IL1RAPL2: variants seen among roughly 807,000 people sequenced by gnomAD.
IL1RAPL2 encodes interleukin 1 receptor accessory protein like 2.
In IL1RAPL2, 3 loss-of-function variants were observed where a neutral mutation model predicts 44.1. That is an observed-to-expected ratio of 0.07 (90% CI 0.03 to 0.18). The LOEUF is 0.18. Ranked by LOEUF, IL1RAPL2 falls within the 10% of genes least tolerant of loss-of-function variation. IL1RAPL2 has a pLI of 1.00. For synonymous variants in IL1RAPL2, 181 were observed against 178.8 expected (o/e 1.01, Z -0.10); for missense variants, 391 against 496.4 (o/e 0.79, Z 2.02).
chrX:105,146,608 C>A (rs2033181714), intron 2 of IL1RAPL2, among the ~76,000 whole-genome samples: 2 of 111,684 alleles, frequency 1.8e-5, no homozygotes, highest in Non-Finnish European at 3.8e-5. Context: ...AAAGTGTACA[C>A]TTCAGTGATC....
At chrX:104,687,112 T>A (rs185831467) in intron 2 of IL1RAPL2, among the ~76,000 whole-genome samples, 9 of 112,506 alleles carry the variant, frequency 8.0e-5, no homozygotes, top group African/African-American at 1.9e-4. Flanking sequence ...ACTTGGAGTG[T>A]GCAGCTTTTC....
At chrX:105,667,956 A>G (rs1289419921) in intron 6 of IL1RAPL2, among the ~76,000 whole-genome samples, 1 of 108,801 alleles carries the variant, frequency 9.2e-6, no homozygotes, top group Non-Finnish European at 1.9e-5. Flanking sequence ...AATAACATAT[A>G]TGGTGATTTA....
At chrX:104,882,635 G>A (rs926780662) in intron 2 of IL1RAPL2, among the ~76,000 whole-genome samples, 1 of 111,807 alleles carries the variant, frequency 8.9e-6, no homozygotes, top group African/African-American at 3.3e-5. Flanking sequence ...GGACCAATCA[G>A]CACTCTGTAA....
chrX:105,078,393 A>G (rs1376074228), intron 2 of IL1RAPL2, among the ~76,000 whole-genome samples: 1 of 110,808 alleles, frequency 9.0e-6, no homozygotes, highest in Non-Finnish European at 1.9e-5. Flanking sequence ...TTCTTCTGGA[A>G]GTTTTGTCTC....
intron 2 of IL1RAPL2, among the ~76,000 whole-genome samples, chrX:104,899,965 AATG>A (rs1227622110): frequency 1.8e-5 from 2 of 112,311 alleles, no homozygotes; most frequent in East Asian, 5.6e-4. Context: ...GCCCACCTGA[AATG>A]ATGATCACAG....
chrX:104,806,398 C>T (rs1474044269), intron 2 of IL1RAPL2, among the ~76,000 whole-genome samples: 2 of 112,451 alleles, frequency 1.8e-5, no homozygotes, highest in African/African-American at 3.2e-5. Context: ...AAAGGGATGG[C>T]TTCTGCACTG....
intron 2 of IL1RAPL2, among the ~76,000 whole-genome samples, chrX:104,845,926 A>T (rs929788407): frequency 5.4e-5 from 6 of 111,649 alleles, no homozygotes; most frequent in African/African-American, 2.0e-4. Flanking sequence ...TTGATGACTA[A>T]GAGTCAGTGT....
intron 6 of IL1RAPL2, among the ~76,000 whole-genome samples, chrX:105,517,856 G>A (rs1359884990): frequency 9.0e-6 from 1 of 111,421 alleles, no homozygotes; most frequent in Non-Finnish European, 1.9e-5. Context: ...AAGAATCAAA[G>A]TCAGAGGTTA....
intron 2 of IL1RAPL2, among the ~76,000 whole-genome samples, chrX:105,067,461 T>C (rs1215677431): frequency 1.8e-5 from 2 of 111,548 alleles, no homozygotes; most frequent in Non-Finnish European, 1.9e-5. Flanking sequence ...AGGTGCTTTA[T>C]TGTGCAACAA....
chrX:105,638,832 G>T (rs1364755853), intron 6 of IL1RAPL2, among the ~76,000 whole-genome samples: 1 of 111,974 alleles, frequency 8.9e-6, no homozygotes, highest in Non-Finnish European at 1.9e-5. Flanking sequence ...TTCATATGCT[G>T]GGATTCACTT....
Position 105,144,094 on chromosome X carries a change from GGTGTGTGT to G in IL1RAPL2, c.83-51340_83-51333del, listed in dbSNP as rs762069943. Among the ~76,000 whole-genome samples, 616 of 79,547 alleles carry G rather than the reference GGTGTGTGT, an allele frequency of 7.7e-3. 6 individuals are homozygous for G. Among genetic ancestry groups the G allele is most frequent in the African/African-American group, 0.025 (519 of 20,480 alleles). 69.1% of individuals were successfully genotyped at this position (79,547 alleles called of 115,157 possible). ...AGTCAGAGTCTCCTTTCAACAGATG[GGTGTGTGT>G]GTGTGTGTGTGTGTGTGTGTGTGTG... On this transcript the variant is annotated intron_variant, in intron 2 of 10. Coordinates refer to ENST00000372582, the MANE Select transcript of IL1RAPL2 (RefSeq NM_017416.2).
chrX:105,217,817 G>A (rs377361519), intron 3 of IL1RAPL2, among the ~76,000 whole-genome samples: 8 of 111,791 alleles, frequency 7.2e-5, no homozygotes, highest in African/African-American at 2.6e-4. Context: ...GATGAAGCTG[G>A]AAGCCATCAT....
At position 105,121,881 on chromosome X, in the gene IL1RAPL2, C is replaced by T. The variant is rs1269743534; in HGVS notation, c.83-73594C>T. ...ATACTAATTGATTTCATTTATTTTA[C>T]TTCCCTTGTGTATGCCTCACTGTCA... On this transcript the variant is annotated intron_variant, in intron 2 of 10. Coordinates refer to ENST00000372582, the MANE Select transcript of IL1RAPL2 (RefSeq NM_017416.2). Among the ~76,000 whole-genome samples, 69 of 111,385 alleles carry T rather than the reference C, an allele frequency of 6.2e-4. 1 individual carries two copies. Among genetic ancestry groups the T allele is most frequent in the Non-Finnish European group, 1.9e-4 (10 of 52,912 alleles).
At chrX:104,606,919 C>A (rs945710534) in intron 1 of IL1RAPL2, among the ~76,000 whole-genome samples, 1 of 111,775 alleles carries the variant, frequency 8.9e-6, no homozygotes, top group Non-Finnish European at 1.9e-5. Context: ...AAAAAAGAGC[C>A]CGCATAGCCA....
chrX:105,383,867 A>C (rs2035456035), intron 5 of IL1RAPL2, among the ~76,000 whole-genome samples: 1 of 111,811 alleles, frequency 8.9e-6, no homozygotes, highest in African/African-American at 3.2e-5. Flanking sequence ...GGTGATGTGG[A>C]AAATTTTTTT....
intron 2 of IL1RAPL2, among the ~76,000 whole-genome samples, chrX:104,920,393 C>A (rs958824377): frequency 2.7e-5 from 3 of 109,821 alleles, no homozygotes; most frequent in Admixed American, 1.9e-4. Context: ...AATTATGATC[C>A]CCAGTGTTAG....
chrX:104,576,888 A>G (rs956489707), intron 1 of IL1RAPL2, among the ~76,000 whole-genome samples: 12 of 111,850 alleles, frequency 1.1e-4, no homozygotes, highest in Non-Finnish European at 2.1e-4. Context: ...CAGAAACAGT[A>G]CATGGTCTAA....
At chrX:105,489,756 TTC>T (rs1291378185) in intron 6 of IL1RAPL2, among the ~76,000 whole-genome samples, 4 of 88,873 alleles carry the variant, frequency 4.5e-5, no homozygotes, top group East Asian at 3.2e-4. Flanking sequence ...CTTTCTTTCT[TTC>T]TCTTTCTTTC....
At chrX:105,118,685 A>G (rs761730122) in intron 2 of IL1RAPL2, among the ~76,000 whole-genome samples, 13 of 112,312 alleles carry the variant, frequency 1.2e-4, no homozygotes, top group Admixed American at 2.8e-4. Flanking sequence ...TCTGAAATGT[A>G]TTGCTTTTCA....
Sources: gnomAD v4.1 joint callset for allele counts (sites outside exome capture counted in the v4.1 genomes callset) on GRCh38, gnomAD v4.1.1 for gene constraint, MANE v1.5 for transcripts, NCBI Gene and HGNC (gene_info 2026-07-23, HGNC 2026-07-21) for gene names.